The following CAMKMT variants were observed in gnomAD, a reference collection of about 807,000 sequenced individuals.
CAMKMT encodes the protein CaM KMT.
Under a neutral mutation model 48.0 loss-of-function variants are expected in CAMKMT, and 53 were observed. The ratio of observed to expected loss-of-function variants is 1.10; its 90% CI spans 0.89 to 1.39. The LOEUF (loss-of-function observed/expected upper bound fraction) is 1.39. Among genes scored for constraint, CAMKMT ranks in the 40% most tolerant of loss-of-function variants. The pLI is 0.00. For missense variants in CAMKMT, 428 were observed against 402.7 expected, an observed-to-expected ratio of 1.06 and a Z score of -0.54; for synonymous variants, 165 against 152.3, an observed-to-expected ratio of 1.08 and a Z score of -0.61.
intron 3 of CAMKMT, among the ~76,000 whole-genome samples, chr2:44,429,633 C>T (rs555592532): frequency 3.3e-5 from 5 of 151,766 alleles, no homozygotes; most frequent in South Asian, 2.1e-4. Context: ...AACCCCGTCT[C>T]TACTAAAAAT....
intron 3 of CAMKMT, among the ~76,000 whole-genome samples, chr2:44,631,212 A>G (rs939468854): frequency 8.5e-5 from 13 of 152,140 alleles, no homozygotes; most frequent in Non-Finnish European, 1.8e-4. Context: ...CCACATGGAC[A>G]CAGGAAGGGG....
chr2:44,382,501 C>G (rs544317994), intron 2 of CAMKMT, among the ~76,000 whole-genome samples: 29 of 147,028 alleles, frequency 2.0e-4, no homozygotes, highest in South Asian at 1.1e-3. Context: ...TTTTTTGAGA[C>G]AGAGTCTCGC....
intron 9 of CAMKMT, among the ~76,000 whole-genome samples, chr2:44,762,314 C>G (rs1339127563): frequency 6.6e-6 from 1 of 152,176 alleles, no homozygotes; most frequent in African/African-American, 2.4e-5. Context: ...ATAACAAGAC[C>G]TCGTCTTTAT....
intron 3 of CAMKMT, among the ~76,000 whole-genome samples, chr2:44,478,298 A>C (rs1203243469): frequency 6.6e-6 from 1 of 152,086 alleles, no homozygotes; most frequent in African/African-American, 2.4e-5. Context: ...CTAAGTCTAT[A>C]TATTTTTTTT....
At chr2:44,742,640 TGA>T (rs1241392727) in intron 7 of CAMKMT, among the ~76,000 whole-genome samples, 1 of 152,100 alleles carries the variant, frequency 6.6e-6, no homozygotes, top group Non-Finnish European at 1.5e-5. Context: ...TTTTCTACCT[TGA>T]GAAATTTACT....
intron 3 of CAMKMT, among the ~76,000 whole-genome samples, chr2:44,466,336 C>G (rs1472254715): frequency 6.6e-6 from 1 of 152,040 alleles, no homozygotes; most frequent in African/African-American, 2.4e-5. Context: ...TTTTTTCTGA[C>G]CACACTGAAA....
chr2:44,514,993 C>T (rs1341676265), intron 3 of CAMKMT, among the ~76,000 whole-genome samples: 1 of 152,152 alleles, frequency 6.6e-6, no homozygotes, highest in African/African-American at 2.4e-5. Flanking sequence ...TTGGGTAGTC[C>T]TGTGTAGACC....
chr2:44,535,839 G>A (rs1054378694), intron 3 of CAMKMT, among the ~76,000 whole-genome samples: 7 of 152,156 alleles, frequency 4.6e-5, no homozygotes, highest in Admixed American at 1.3e-4. Flanking sequence ...AGACAAGGTT[G>A]CCTACTTTCA....
At chr2:44,703,032 C>T (rs537094568) in intron 3 of CAMKMT, among the ~76,000 whole-genome samples, 3 of 152,216 alleles carry the variant, frequency 2.0e-5, no homozygotes, top group East Asian at 1.9e-4. Flanking sequence ...ATTTGCCACC[C>T]GTTCCCAGGA....
chr2:44,473,860 A>G (rs937496611), intron 3 of CAMKMT, among the ~76,000 whole-genome samples: 4 of 152,132 alleles, frequency 2.6e-5, no homozygotes, highest in African/African-American at 9.7e-5. Flanking sequence ...TTACTGGGAT[A>G]CCCGTCATTT....
intron 3 of CAMKMT, among the ~76,000 whole-genome samples, chr2:44,443,720 G>A (rs1325169319): frequency 6.6e-6 from 1 of 152,134 alleles, no homozygotes; most frequent in Non-Finnish European, 1.5e-5. Flanking sequence ...CTTCATGTCT[G>A]TTAAATTAGA....
At chr2:44,514,209 A>G (rs529280585) in intron 3 of CAMKMT, among the ~76,000 whole-genome samples, 5 of 152,260 alleles carry the variant, frequency 3.3e-5, no homozygotes, top group African/African-American at 1.2e-4. Context: ...AAGAATCTGA[A>G]TTAATTGTCC....
At chr2:44,391,235 A>G (rs774038789) in intron 3 of CAMKMT, among the ~76,000 whole-genome samples, 5 of 152,178 alleles carry the variant, frequency 3.3e-5, no homozygotes. Flanking sequence ...CCACATTATG[A>G]TAAGCTTTTG....
In CAMKMT at chr2:44,627,687, C is replaced by T. The variant is rs1043224288; in HGVS notation, c.377-76596C>T. On this transcript the variant is annotated intron_variant, in intron 3 of 10. Coordinates refer to ENST00000378494, the MANE Select transcript of CAMKMT (RefSeq NM_024766.5). Reference sequence around the variant, plus strand: ...TAGCATAAACTTATTTATAATGGTCCCATTTTATCCTTTTTTTTTTTTTTT... The same window carrying T: ...TAGCATAAACTTATTTATAATGGTCTCATTTTATCCTTTTTTTTTTTTTTT... 3.1e-5 allele frequency among the ~76,000 whole-genome samples: 4 copies of T among 131,030 alleles called. No homozygotes were observed. In the Admixed American group the frequency reaches 3.1e-4, roughly 10 times the overall value. The allele number at this position is 131,030 out of a possible 152,430, so 86.0% of individuals were successfully genotyped here.
intron 3 of CAMKMT, among the ~76,000 whole-genome samples, chr2:44,507,222 A>G (rs956161586): frequency 3.3e-5 from 5 of 152,196 alleles, no homozygotes; most frequent in African/African-American, 1.2e-4. Context: ...GTCTGTTAGA[A>G]CTTCTACCTT....
Position 44,708,211 on chromosome 2 carries a change from A to ATTTTTTTTTTT in CAMKMT, c.556+764_556+774dup, listed in dbSNP as rs59281575. ...AAAGTGGCAGATATGTTTGCTTTGGATTTTTTTTTTTTTTTTTTTTTTTTT... is the reference window on the plus strand; with the variant it reads ...AAAGTGGCAGATATGTTTGCTTTGGATTTTTTTTTTTTTTTTTTTTTTTTTTTTTTTTTTTT... On this transcript the variant is annotated intron_variant, in intron 6 of 10. Transcript: ENST00000378494. Among the ~76,000 whole-genome samples, 178 of 68,184 alleles carry ATTTTTTTTTTT rather than the reference A, an allele frequency of 2.6e-3. 20 individuals are homozygous for ATTTTTTTTTTT. Among genetic ancestry groups the ATTTTTTTTTTT allele is most frequent in the Non-Finnish European group, 3.2e-3 (128 of 39,404 alleles). The allele number at this position is 68,184 out of a possible 152,430, so 44.7% of individuals were successfully genotyped here. A position where few individuals can be genotyped will look rare whatever the true frequency, so the allele number is the denominator to read the frequency against.
intron 3 of CAMKMT, among the ~76,000 whole-genome samples, chr2:44,398,436 T>C (rs1395886097): frequency 6.6e-6 from 1 of 152,096 alleles, no homozygotes; most frequent in Non-Finnish European, 1.5e-5. Context: ...TTCTGCAAGG[T>C]AGTTGACAAT....
intron 3 of CAMKMT, among the ~76,000 whole-genome samples, chr2:44,443,746 A>C (rs1460559949): frequency 6.6e-6 from 1 of 152,174 alleles, no homozygotes; most frequent in Non-Finnish European, 1.5e-5. Flanking sequence ...GGGTGTGCTT[A>C]TCTTGCTGCA....
intron 3 of CAMKMT, among the ~76,000 whole-genome samples, chr2:44,542,328 C>G (rs1667159868): frequency 6.6e-6 from 1 of 151,970 alleles, no homozygotes; most frequent in Non-Finnish European, 1.5e-5. Flanking sequence ...ATATAGGGCC[C>G]CCAAAAATCA....
Sources: gnomAD v4.1 joint callset for allele counts (sites outside exome capture counted in the v4.1 genomes callset) on GRCh38, gnomAD v4.1.1 for gene constraint, MANE v1.5 for transcripts, NCBI Gene and HGNC (gene_info 2026-07-23, HGNC 2026-07-21) for gene names.